Variants in NAT1 observed in about 807,000 individuals in gnomAD.
NAT1 encodes the protein arylamine N-acetyltransferase 1.
For synonymous variants in NAT1, 144 were observed against 122.6 expected, an observed-to-expected ratio of 1.17 and a Z score of -1.16; for missense variants, 400 against 339.2, an observed-to-expected ratio of 1.18 and a Z score of -1.41.
intron 2 of NAT1, among the ~76,000 whole-genome samples, chr8:18,172,900 C>G (rs577450287): frequency 6.6e-6 from 1 of 152,212 alleles, no homozygotes; most frequent in African/African-American, 2.4e-5. Context: ...CTTTCTAAAA[C>G]GAGCTGTTGT....
chr8:18,186,494 A>T (rs888423388), intron 2 of NAT1, among the ~76,000 whole-genome samples: 10 of 152,054 alleles, frequency 6.6e-5, no homozygotes, highest in African/African-American at 2.4e-4. Flanking sequence ...CGCTACACAT[A>T]TGTAAGTAGC....
rs577608674 is a variant in NAT1, at chr8:18,191,490, A to G, written n.93-18291A>G. On this transcript the variant is annotated intron_variant and non_coding_transcript_variant, in intron 2 of 4. Coordinates refer to the NAT1 transcript ENST00000517441. ...TTTCTTCACAGAATTGGAAAAAACT[A>G]CTTTAAAGTTCATATGGAACCAAAA... 5.3e-5 allele frequency among the ~76,000 whole-genome samples: 8 copies of G among 152,128 alleles called. No homozygotes were observed. In the South Asian group the frequency reaches 1.7e-3, roughly 32 times the overall value.
rs1803938470 is a variant in NAT1, at chr8:18,210,200, G to A, written c.-86+20G>A. 6.6e-6 allele frequency: 1 copy of A among 152,182 alleles called. No homozygotes were observed. Among genetic ancestry groups the A allele is most frequent in the Non-Finnish European group, 1.5e-5 (1 of 68,072 alleles). 9.4% of individuals were successfully genotyped at this position (152,182 alleles called of 1,614,324 possible). On this transcript the variant is annotated intron_variant, in intron 1 of 2. Coordinates refer to ENST00000307719, the MANE Select transcript of NAT1 (RefSeq NM_000662.8). ...AACCTGGTAAGTGGAACTCTGTAAG[G>A]GGCTTTGAAATTGGGGTTTAATCCT...
intron 2 of NAT1, among the ~76,000 whole-genome samples, chr8:18,193,904 G>A (rs868535342): frequency 7.2e-5 from 11 of 152,162 alleles, no homozygotes; most frequent in African/African-American, 2.4e-4. Flanking sequence ...GCCTCCCAAA[G>A]TGCTGGGATT....
chr8:18,215,944 A>G (rs533456165), intron 1 of NAT1, among the ~76,000 whole-genome samples: 2 of 152,302 alleles, frequency 1.3e-5, no homozygotes, highest in Admixed American at 6.5e-5. Context: ...TTCTCTGAAG[A>G]TGATTTTAAG....
chr8:18,198,652 A>C (rs1803335458), intron 2 of NAT1, among the ~76,000 whole-genome samples: 1 of 152,230 alleles, frequency 6.6e-6, no homozygotes, highest in Admixed American at 6.5e-5. Context: ...GACAAACAAA[A>C]ATTGTATATA....
chr8:18,213,045 T>C (rs1327199640), intron 1 of NAT1, among the ~76,000 whole-genome samples: 1 of 150,054 alleles, frequency 6.7e-6, no homozygotes, highest in Non-Finnish European at 1.5e-5. Context: ...GCTGGGACTA[T>C]AGGCATGTGC....
At chr8:18,187,472 C>G (rs1195018101) in intron 2 of NAT1, among the ~76,000 whole-genome samples, 2 of 152,114 alleles carry the variant, frequency 1.3e-5, no homozygotes, top group Non-Finnish European at 2.9e-5. Flanking sequence ...GGCGGACTGG[C>G]TTTTAAAAAT....
intron 2 of NAT1, among the ~76,000 whole-genome samples, chr8:18,175,828 A>G (rs954891006): frequency 1.3e-5 from 2 of 152,116 alleles, no homozygotes; most frequent in South Asian, 2.1e-4. Context: ...TATGTTCCCA[A>G]CAGCATACAA....
At chr8:18,205,485 A>G (rs1292154723), upstream of NAT1, among the ~76,000 whole-genome samples, 3 of 152,170 alleles carry the variant, frequency 2.0e-5, no homozygotes, top group Non-Finnish European at 2.9e-5. Context: ...TGTTAGCACA[A>G]GAGTGGGGCA....
intron 2 of NAT1, among the ~76,000 whole-genome samples, chr8:18,179,779 G>A (rs1464302182): frequency 2.6e-5 from 4 of 152,118 alleles, no homozygotes; most frequent in African/African-American, 9.7e-5. Flanking sequence ...CCAAATCAAA[G>A]CAAATATTTA....
chr8:18,217,100 A>T, intron 1 of NAT1: 7 of 737,962 alleles, frequency 9.5e-6, no homozygotes, highest in Non-Finnish European at 1.5e-5. Context: ...AATTTCCTTT[A>T]TTTGTTATAT....
intron 2 of NAT1, among the ~76,000 whole-genome samples, chr8:18,186,930 C>A (rs1802761400): frequency 6.6e-6 from 1 of 152,098 alleles, no homozygotes; most frequent in South Asian, 2.1e-4. Flanking sequence ...GTGAAAGCTG[C>A]AGGGAAGGGG....
intron 2 of NAT1, among the ~76,000 whole-genome samples, chr8:18,195,829 C>T (rs963588180): frequency 2.0e-5 from 3 of 151,886 alleles, no homozygotes; most frequent in Non-Finnish European, 4.4e-5. Context: ...CTTCTCCTTG[C>T]ATTCTACCTG....
chr8:18,211,335 C>G (rs1401332548), intron 1 of NAT1: 2 of 152,202 alleles, frequency 1.3e-5, no homozygotes, highest in Non-Finnish European at 2.9e-5. Flanking sequence ...ATGAGGCCCA[C>G]TACAATGGTA....
chr8:18,187,553 G>A (rs1589064912), intron 2 of NAT1, among the ~76,000 whole-genome samples: 1 of 152,244 alleles, frequency 6.6e-6, no homozygotes. Flanking sequence ...GTCCTCTGCA[G>A]CAACGTGGAT....
intron 2 of NAT1, among the ~76,000 whole-genome samples, chr8:18,204,469 T>A (rs1486466208): frequency 1.3e-5 from 2 of 152,220 alleles, no homozygotes; most frequent in Non-Finnish European, 2.9e-5. Context: ...TCATGAAATA[T>A]CTGAACCATT....
At chr8:18,215,260 A>G (rs967326590) in intron 1 of NAT1, among the ~76,000 whole-genome samples, 3 of 152,224 alleles carry the variant, frequency 2.0e-5, no homozygotes, top group Non-Finnish European at 2.9e-5. Context: ...ATAGTGCCAT[A>G]CATTTTTCTA....
At chr8:18,180,005 T>C (rs1412841525) in intron 2 of NAT1, among the ~76,000 whole-genome samples, 1 of 152,102 alleles carries the variant, frequency 6.6e-6, no homozygotes, top group Non-Finnish European at 1.5e-5. Context: ...CGGGGCATAG[T>C]AAGAAGTCAG....
Sources: gnomAD v4.1 joint callset for allele counts (sites outside exome capture counted in the v4.1 genomes callset) on GRCh38, gnomAD v4.1.1 for gene constraint, MANE v1.5 for transcripts, NCBI Gene and HGNC (gene_info 2026-07-23, HGNC 2026-07-21) for gene names.